Variants in GLT8D2 observed in about 807,000 individuals in gnomAD.
The protein encoded by GLT8D2 is glycosyltransferase 8 domain-containing protein 2.
Under a neutral mutation model 44.5 loss-of-function variants are expected in GLT8D2, and 45 were observed. That is an observed-to-expected ratio of 1.01 (90% CI 0.80 to 1.30). The LOEUF (loss-of-function observed/expected upper bound fraction) is 1.30, where lower values mean the gene tolerates loss of function less well. GLT8D2 is among the 50% of genes most tolerant of loss of function. The probability of loss-of-function intolerance (pLI) is 0.00; values close to 1 mark genes in which losing one functional copy is unlikely to be tolerated. For synonymous variants in GLT8D2, 156 were observed against 157.2 expected, an observed-to-expected ratio of 0.99 and a Z score of 0.06; for missense variants, 400 against 430.4, an observed-to-expected ratio of 0.93 and a Z score of 0.62.
At chr12:103,991,868 C>A (rs1226668513) in intron 10 of GLT8D2, among the ~76,000 whole-genome samples, 1 of 148,708 alleles carries the variant, frequency 6.7e-6, no homozygotes, top group Admixed American at 6.7e-5. Flanking sequence ...TAACACCTTG[C>A]AGGGTTGTTG....
At chr12:104,057,751 C>G (rs1242507450) in intron 1 of GLT8D2, among the ~76,000 whole-genome samples, 1 of 152,106 alleles carries the variant, frequency 6.6e-6, no homozygotes, top group African/African-American at 2.4e-5. Flanking sequence ...GTTTACAGAA[C>G]AGTGTTATCA....
chr12:104,005,129 G>T (rs1309262177), intron 4 of GLT8D2, among the ~76,000 whole-genome samples: 1 of 152,102 alleles, frequency 6.6e-6, no homozygotes, highest in Admixed American at 6.6e-5. Flanking sequence ...CAAGAAACAG[G>T]GAAAGGACTC....
At chr12:104,017,969 TC>T (rs1447892757) in intron 3 of GLT8D2, among the ~76,000 whole-genome samples, 4 of 152,112 alleles carry the variant, frequency 2.6e-5, no homozygotes, top group African/African-American at 7.2e-5. Flanking sequence ...TATTATTTTA[TC>T]TTTTTTTTTC....
intron 8 of GLT8D2, among the ~76,000 whole-genome samples, chr12:103,995,905 A>G (rs1873359019): frequency 6.6e-6 from 1 of 152,210 alleles, no homozygotes; most frequent in Non-Finnish European, 1.5e-5. Context: ...ATAGCTTTAT[A>G]TGTGTTAACT....
intron 7 of GLT8D2, among the ~76,000 whole-genome samples, chr12:103,997,219 G>A (rs1593529116): frequency 6.6e-6 from 1 of 152,182 alleles, no homozygotes; most frequent in Non-Finnish European, 1.5e-5. Flanking sequence ...GAAAGGAAAG[G>A]CTACCAAGCT....
intron 1 of GLT8D2, among the ~76,000 whole-genome samples, chr12:104,042,781 T>TCA (rs1166105204): frequency 1.3e-5 from 2 of 151,988 alleles, no homozygotes. Flanking sequence ...ACAAAAAAAA[T>TCA]CACACACACA....
At chr12:104,038,058 A>G (rs1005560125) in intron 1 of GLT8D2, among the ~76,000 whole-genome samples, 1 of 152,234 alleles carries the variant, frequency 6.6e-6, no homozygotes, top group African/African-American at 2.4e-5. Context: ...TGATTATTTC[A>G]ATAGATGCAG....
At chr12:104,030,867 T>C in intron 1 of GLT8D2, 1 of 1,570,814 alleles carries the variant, frequency 6.4e-7, no homozygotes, top group South Asian at 1.1e-5. Context: ...GACGCCGACC[T>C]GAGCCCGGCG....
At chr12:104,021,894 GA>G in intron 1 of GLT8D2, among the ~76,000 whole-genome samples, 1 of 10,000 alleles carries the variant, frequency 1.0e-4, no homozygotes, top group East Asian at 0.05. Context: ...AGAAGAAGAA[GA>G]AGAAGAAGAA....
At position 104,003,128 on chromosome 12, in the gene GLT8D2, A is replaced by C; in HGVS notation, c.284+7T>G. The C allele has an allele frequency of 6.2e-7, 1 of 1,612,426 alleles. No homozygotes were observed. The highest frequency in any genetic ancestry group is 8.5e-7 in the Non-Finnish European group (1 of 1,178,598). Reference sequence around the variant, plus strand: ...GAAAGTGCCAAAGTCTGTAAGACATAACTTACCGTATTCGAGTCAGAGTAT... The same window carrying C: ...GAAAGTGCCAAAGTCTGTAAGACATCACTTACCGTATTCGAGTCAGAGTAT... On this transcript the variant is annotated splice_region_variant and intron_variant, in intron 5 of 10. Transcript: ENST00000360814.
intron 1 of GLT8D2, among the ~76,000 whole-genome samples, chr12:104,043,163 C>T (rs1219519790): frequency 6.6e-6 from 1 of 152,184 alleles, no homozygotes; most frequent in Non-Finnish European, 1.5e-5. Context: ...GTCTCTTTCA[C>T]TGGTTGCTCC....
intron 1 of GLT8D2, among the ~76,000 whole-genome samples, chr12:104,039,183 A>G (rs549910279): frequency 5.6e-4 from 85 of 152,358 alleles, no homozygotes; most frequent in African/African-American, 1.8e-3. Context: ...ACCTAAAACC[A>G]TAAAAACTCT....
intron 1 of GLT8D2, among the ~76,000 whole-genome samples, chr12:104,021,925 A>AGG: frequency 5.0e-5 from 1 of 20,050 alleles, no homozygotes; most frequent in Non-Finnish European, 9.4e-5. Flanking sequence ...GAAGAAGAAG[A>AGG]AGAAGAAGAA....
At chr12:104,002,471 A>G (rs1205585429) in intron 5 of GLT8D2, among the ~76,000 whole-genome samples, 1 of 152,154 alleles carries the variant, frequency 6.6e-6, no homozygotes, top group Admixed American at 6.6e-5. Flanking sequence ...ATCATTGTAA[A>G]GTTTTTAAAT....
intron 1 of GLT8D2, among the ~76,000 whole-genome samples, chr12:104,059,490 T>C (rs1332800828): frequency 6.6e-6 from 1 of 152,140 alleles, no homozygotes; most frequent in Non-Finnish European, 1.5e-5. Context: ...GAAGCTTCCC[T>C]CCTCTAGAAC....
intron 4 of GLT8D2, among the ~76,000 whole-genome samples, chr12:104,004,791 A>C (rs1874746656): frequency 1.3e-5 from 2 of 152,220 alleles, no homozygotes; most frequent in South Asian, 4.1e-4. Flanking sequence ...AATATCGTGA[A>C]AATGGCCACA....
intron 1 of GLT8D2, among the ~76,000 whole-genome samples, chr12:104,058,996 A>C (rs988819231): frequency 6.6e-6 from 1 of 152,222 alleles, no homozygotes; most frequent in Non-Finnish European, 1.5e-5. Context: ...ACAAAGGATG[A>C]TTCACATCCC....
intron 9 of GLT8D2, chr12:103,993,977 C>T (rs2136271210): frequency 6.1e-6 from 1 of 163,716 alleles, no homozygotes; most frequent in African/African-American, 2.4e-5. Flanking sequence ...CCTTAAAAAG[C>T]AAAATTGACT....
At chr12:104,030,728 G>C in intron 1 of GLT8D2, 1 of 1,611,780 alleles carries the variant, frequency 6.2e-7, no homozygotes, top group Non-Finnish European at 8.5e-7. Context: ...ATAGGCAAAG[G>C]ACTCCGGAAT....
Sources: gnomAD v4.1 joint callset for allele counts (sites outside exome capture counted in the v4.1 genomes callset) on GRCh38, gnomAD v4.1.1 for gene constraint, MANE v1.5 for transcripts, NCBI Gene and HGNC (gene_info 2026-07-23, HGNC 2026-07-21) for gene names.